The following ACOT11 variants were observed in gnomAD, a reference collection of about 807,000 sequenced individuals.
The protein encoded by ACOT11 is acyl-coenzyme A thioesterase 11.
In ACOT11, 69 loss-of-function variants were observed where a neutral mutation model predicts 77.5. That is an observed-to-expected ratio of 0.89 (90% CI 0.73 to 1.09). The LOEUF (loss-of-function observed/expected upper bound fraction) is 1.09, where lower values mean the gene tolerates loss of function less well. ACOT11 is among the 50% of genes least tolerant of loss of function. ACOT11 has a pLI of 0.00. For synonymous variants in ACOT11, 279 were observed against 313.0 expected (o/e 0.89, Z 1.15); for missense variants, 766 against 813.7 (o/e 0.94, Z 0.71).
At chr1:54,550,966 C>T (rs191934007) in intron 1 of ACOT11, among the ~76,000 whole-genome samples, 1 of 151,786 alleles carries the variant, frequency 6.6e-6, no homozygotes, top group East Asian at 1.9e-4. Context: ...ATGGTGAAAC[C>T]CCATCTCTAC....
chr1:54,615,237 C>T (rs1644160507), downstream of ACOT11, among the ~76,000 whole-genome samples: 1 of 152,116 alleles, frequency 6.6e-6, no homozygotes, highest in Admixed American at 6.5e-5. Flanking sequence ...GGAGGTTACT[C>T]AGCCTCCAAG....
At chr1:54,620,068 C>A in intron 15 of ACOT11, 1 of 1,569,786 alleles carries the variant, frequency 6.4e-7, no homozygotes, top group South Asian at 1.2e-5. Flanking sequence ...GACTCATGTT[C>A]GTTCATCCCA....
At chr1:54,559,679 C>A (rs1455415946) in intron 1 of ACOT11, among the ~76,000 whole-genome samples, 1 of 151,894 alleles carries the variant, frequency 6.6e-6, no homozygotes, top group Non-Finnish European at 1.5e-5. Context: ...ATGGTGAAAG[C>A]AAACTTTTCT....
Position 54,607,925 on chromosome 1 carries a change from AC to A in ACOT11, c.1503-14del. 2.5e-6 allele frequency: 4 copies of A among 1,612,740 alleles called. No individual in the cohort carries two copies. Among genetic ancestry groups the A allele is most frequent in the Non-Finnish European group, 3.4e-6 (4 of 1,179,434 alleles). ...TGTGGCTGACCCCTGTCCCCTTGCT[AC>A]CCTTCCTTCACTCAGGGACCCCTAT... is the stretch of plus-strand genomic sequence containing the variant. On this transcript the variant is annotated splice_polypyrimidine_tract_variant and intron_variant, in intron 14 of 15. Coordinates refer to ENST00000343744, the MANE Select transcript of ACOT11 (RefSeq NM_147161.4). This position sits in a 1 kb window ranked among gnomAD's most constrained non-coding sequence, Gnocchi z 4.5.
chr1:54,608,098 A>G (rs1644052690), intron 15 of ACOT11, 30 bp downstream of exon 15: 1 of 1,596,430 alleles, frequency 6.3e-7, no homozygotes, highest in Non-Finnish European at 8.5e-7. Context: ...CCACGCCCCC[A>G]GCCTGGCTCC....
At chr1:54,585,760 G>A in intron 2 of ACOT11, 75 bp from the exon 3 acceptor site, 1 of 1,516,508 alleles carries the variant, frequency 6.6e-7, no homozygotes, top group South Asian at 1.2e-5. Context: ...GAAGCCTCCT[G>A]AGGAGGTGCC....
intron 1 of ACOT11, among the ~76,000 whole-genome samples, chr1:54,552,955 G>C (rs1318472434): frequency 6.6e-6 from 1 of 150,920 alleles, no homozygotes; most frequent in African/African-American, 2.4e-5. Context: ...AGCCTCCCAA[G>C]TAGCTGGGAT....
At chr1:54,604,958 C>T (rs1286896944) in intron 12 of ACOT11, 118 bp from the exon 13 acceptor site, 10 of 1,051,760 alleles carry the variant, frequency 9.5e-6, no homozygotes, top group South Asian at 3.1e-5. Context: ...GGTTGAGCTG[C>T]GTGTTCACAT....
At chr1:54,633,658 T>TA (rs146204545) in intron 16 of ACOT11, among the ~76,000 whole-genome samples, 1 of 152,184 alleles carries the variant, frequency 6.6e-6, no homozygotes, top group African/African-American at 2.4e-5. Flanking sequence ...AACCTACCCG[T>TA]AAAAAATTTC....
chr1:54,582,574 G>T, intron 1 of ACOT11: 1 of 965,388 alleles, frequency 1.0e-6, no homozygotes. Context: ...AAACGGGAGT[G>T]CATGGGAGGA....
At chr1:54,623,302 G>A (rs1357910424) in intron 15 of ACOT11, 1 of 1,613,894 alleles carries the variant, frequency 6.2e-7, no homozygotes, top group African/African-American at 1.3e-5. Context: ...GTGATGGCAA[G>A]GACTATTGCG....
chr1:54,590,078 A>G (rs1569725146), intron 3 of ACOT11, among the ~76,000 whole-genome samples: 2 of 147,548 alleles, frequency 1.4e-5, no homozygotes, highest in Non-Finnish European at 3.0e-5. Flanking sequence ...ATAGAGCGAG[A>G]CTCTGTCTCA....
At chr1:54,592,977 G>A (rs1654765426) in intron 4 of ACOT11, among the ~76,000 whole-genome samples, 1 of 152,216 alleles carries the variant, frequency 6.6e-6, no homozygotes, top group Non-Finnish European at 1.5e-5. Flanking sequence ...AGCTGGGGCA[G>A]GGAGAGTGCT....
intron 3 of ACOT11, among the ~76,000 whole-genome samples, chr1:54,588,576 G>T (rs1654587749): frequency 6.6e-6 from 1 of 152,154 alleles, no homozygotes; most frequent in Non-Finnish European, 1.5e-5. Flanking sequence ...GGGGGTAGGT[G>T]TCGTGGCACT....
intron 13 of ACOT11, 135 bp downstream of exon 13, chr1:54,605,344 G>GTT: frequency 7.3e-7 from 1 of 1,374,912 alleles, no homozygotes. Context: ...TCCATGCTGG[G>GTT]TGGGGGTTCA....
At chr1:54,587,837 C>T (rs748656713) in intron 3 of ACOT11, among the ~76,000 whole-genome samples, 1 of 151,810 alleles carries the variant, frequency 6.6e-6, no homozygotes, top group Non-Finnish European at 1.5e-5. Context: ...GCTGGGATTA[C>T]AGGCGTGAGC....
At chr1:54,580,428 C>G (rs1375645634) in intron 1 of ACOT11, among the ~76,000 whole-genome samples, 2 of 152,208 alleles carry the variant, frequency 1.3e-5, no homozygotes, top group Admixed American at 6.5e-5. Flanking sequence ...CCCCAAGCCC[C>G]TCTTCCTCTG....
At chr1:54,630,000 C>T (rs918855653) in intron 15 of ACOT11, among the ~76,000 whole-genome samples, 4 of 133,772 alleles carry the variant, frequency 3.0e-5, no homozygotes, top group Admixed American at 7.6e-5. Flanking sequence ...CCCGGGTTCA[C>T]GCCATTCTCC....
exon 16 of ACOT11, chr1:54,630,772 G>A (rs761749492): frequency 3.9e-6 from 3 of 763,732 alleles, no homozygotes; most frequent in East Asian, 2.5e-5. Flanking sequence ...AGCTGGTCTC[G>A]GCAAGTGGCT....
Sources: allele counts gnomAD v4.1 joint callset (sites outside exome capture counted in the v4.1 genomes callset), GRCh38; gene constraint gnomAD v4.1.1; non-coding constraint Gnocchi (gnomAD v3.1); transcripts MANE v1.5; gene names NCBI Gene and HGNC (gene_info 2026-07-23, HGNC 2026-07-21).